Variants in CTNNA2 observed in about 807,000 individuals in gnomAD.
The protein encoded by CTNNA2 is catenin alpha-2.
A neutral mutation model predicts 101.0 loss-of-function variants in CTNNA2; 42 were observed. The ratio of observed to expected loss-of-function variants is 0.42; its 90% CI spans 0.32 to 0.54. The LOEUF is 0.54. Among genes scored for constraint, CTNNA2 ranks in the 20% least tolerant of loss-of-function variants. CTNNA2 has a pLI of 0.14. For synonymous variants in CTNNA2, 450 were observed against 456.4 expected (o/e 0.99, Z 0.18); for missense variants, 871 against 1,223.1 (o/e 0.71, Z 4.29).
rs528620139 is a variant in CTNNA2 at position 79,476,401 on chromosome 2, C to T, written c.-134-28653C>T. 2.0e-5 allele frequency among the ~76,000 whole-genome samples: 3 copies of T among 152,314 alleles called. No homozygotes were observed. In the East Asian group the frequency reaches 5.8e-4, roughly 29 times the overall value. On this transcript the variant is annotated intron_variant, in intron 4 of 21. Coordinates refer to the CTNNA2 transcript ENST00000466387. ...GAAGGGAGCCCAGATTGCAGCCTGGCTATTTCATCGGGGCACTTCTAAGAA... is the reference window on the plus strand; with the variant it reads ...GAAGGGAGCCCAGATTGCAGCCTGGTTATTTCATCGGGGCACTTCTAAGAA...
At chr2:79,338,536 G>C (rs1573094081) in intron 3 of CTNNA2, among the ~76,000 whole-genome samples, 1 of 151,508 alleles carries the variant, frequency 6.6e-6, no homozygotes, top group East Asian at 2.0e-4. Flanking sequence ...TTTAAGAAGT[G>C]AGTAAAGAGG....
chr2:79,845,035 A>G (rs1397087737), intron 3 of CTNNA2, among the ~76,000 whole-genome samples: 2 of 142,780 alleles, frequency 1.4e-5, no homozygotes, highest in East Asian at 4.4e-4. Context: ...TACATTGTGT[A>G]TATATATTTG....
In CTNNA2 at chr2:80,387,070, C is replaced by T. The variant is rs565524548; in HGVS notation, c.1057-6141C>T. 1.3e-4 allele frequency among the ~76,000 whole-genome samples: 20 copies of T among 152,170 alleles called. 1 individual carries two copies. In the South Asian group the frequency reaches 2.7e-3, roughly 21 times the overall value. ...CTGGGAGGCCAAGGTGGGTGGATCA[C>T]GAGGTCAGGAGATCAAGACCATCTT... On this transcript the variant is annotated intron_variant, in intron 7 of 18. Transcript: ENST00000402739.
intron 7 of CTNNA2, among the ~76,000 whole-genome samples, chr2:80,228,702 G>A (rs1014672947): frequency 1.3e-5 from 2 of 152,148 alleles, no homozygotes; most frequent in Non-Finnish European, 2.9e-5. Flanking sequence ...ATCTGAAATA[G>A]TAGTGTTATT....
intron 9 of CTNNA2, among the ~76,000 whole-genome samples, chr2:80,539,495 G>A (rs1383364823): frequency 6.6e-6 from 1 of 151,836 alleles, no homozygotes. Context: ...TTGCAGGATG[G>A]ATAGTTTACC....
intron 6 of CTNNA2, among the ~76,000 whole-genome samples, chr2:79,899,569 ATT>A (rs1303482256): frequency 1.3e-5 from 2 of 152,216 alleles, no homozygotes; most frequent in Non-Finnish European, 2.9e-5. Context: ...GCTTAGGTAA[ATT>A]TCTCTTAAAA....
At chr2:79,981,881 T>C (rs1312162127) in intron 7 of CTNNA2, among the ~76,000 whole-genome samples, 1 of 151,972 alleles carries the variant, frequency 6.6e-6, no homozygotes, top group East Asian at 1.9e-4. Flanking sequence ...TAAACCTGGA[T>C]CCGTAACCCA....
At chr2:80,636,995 TCC>T (rs1274710919) in intron 18 of CTNNA2, among the ~76,000 whole-genome samples, 4 of 152,082 alleles carry the variant, frequency 2.6e-5, no homozygotes, top group Middle Eastern at 3.2e-3. Context: ...CCATTCCTTA[TCC>T]CTAAAACTGT....
intron 16 of CTNNA2, among the ~76,000 whole-genome samples, chr2:80,607,735 G>T (rs892649430): frequency 2.6e-5 from 4 of 151,852 alleles, no homozygotes; most frequent in African/African-American, 9.7e-5. Flanking sequence ...GAAACAAATT[G>T]ATTTTCTTCC....
At chr2:80,534,327 G>T (rs545076091) in intron 9 of CTNNA2, among the ~76,000 whole-genome samples, 2 of 152,254 alleles carry the variant, frequency 1.3e-5, no homozygotes, top group South Asian at 2.1e-4. Context: ...ATATTAGCTG[G>T]TGTATGCTAA....
At chr2:79,268,731 C>T (rs186346111) in intron 2 of CTNNA2, among the ~76,000 whole-genome samples, 151 of 152,102 alleles carry the variant, frequency 9.9e-4, no homozygotes, top group African/African-American at 3.5e-3. Flanking sequence ...GAACTGATTG[C>T]GTGGGTGGTG....
intron 3 of CTNNA2, among the ~76,000 whole-genome samples, chr2:79,783,776 A>G (rs1484537880): frequency 6.6e-6 from 1 of 152,156 alleles, no homozygotes; most frequent in Non-Finnish European, 1.5e-5. Flanking sequence ...AGTTAATAGA[A>G]TTTGTTCATT....
At chr2:79,673,969 A>G (rs11126740) in intron 2 of CTNNA2, among the ~76,000 whole-genome samples, 95,323 of 152,020 alleles carry the variant, frequency 0.63, 30,440 homozygotes, top group East Asian at 0.92. Flanking sequence ...ACATGCATAG[A>G]TCTGTGTTGG....
rs757762487 is a variant in CTNNA2 at position 79,895,691 on chromosome 2, A to ATTT, written c.853-13903_853-13902insTTT. On this transcript the variant is annotated intron_variant, in intron 6 of 18. Coordinates refer to ENST00000402739, the MANE Select transcript of CTNNA2 (RefSeq NM_001282597.3). ...GATTATGTGGTTTGTGAAATTTCTTAATTTTTTTTTTTTTTTTTGGCTGCA... is the reference window on the plus strand; with the variant it reads ...GATTATGTGGTTTGTGAAATTTCTTATTTATTTTTTTTTTTTTTTTTGGCTGCA... 4.1e-3 allele frequency among the ~76,000 whole-genome samples: 444 copies of ATTT among 107,774 alleles called. 4 individuals are homozygous for ATTT. Among genetic ancestry groups the ATTT allele is most frequent in the Non-Finnish European group, 6.1e-3 (337 of 55,494 alleles). The allele number at this position is 107,774 out of a possible 152,430, so 70.7% of individuals were successfully genotyped here.
chr2:80,291,441 T>C (rs903301300), intron 7 of CTNNA2, among the ~76,000 whole-genome samples: 1 of 152,236 alleles, frequency 6.6e-6, no homozygotes, highest in Non-Finnish European at 1.5e-5. Flanking sequence ...AGTTTGTCTC[T>C]TGATACAGGA....
At chr2:79,989,369 TC>T (rs1692001454) in intron 7 of CTNNA2, among the ~76,000 whole-genome samples, 3 of 152,196 alleles carry the variant, frequency 2.0e-5, no homozygotes, top group Non-Finnish European at 4.4e-5. Context: ...ACGCCTGTAA[TC>T]CCAGCACTTT....
chr2:79,880,287 T>G (rs1461814097), intron 6 of CTNNA2, among the ~76,000 whole-genome samples: 3 of 152,122 alleles, frequency 2.0e-5, no homozygotes, highest in African/African-American at 7.2e-5. Context: ...TCCTTTTTTA[T>G]TGCATCTCTT....
intron 1 of CTNNA2, among the ~76,000 whole-genome samples, chr2:79,593,829 C>G (rs933699134): frequency 6.6e-6 from 1 of 151,168 alleles, no homozygotes; most frequent in African/African-American, 2.4e-5. Context: ...GGTATCATTG[C>G]TAACACATGG....
chr2:79,383,726 A>G (rs552581142), intron 4 of CTNNA2, among the ~76,000 whole-genome samples: 1 of 152,286 alleles, frequency 6.6e-6, no homozygotes, highest in African/African-American at 2.4e-5. Flanking sequence ...CATCATATCC[A>G]ATTTGACCTT....
Sources: gnomAD v4.1 joint callset for allele counts (sites outside exome capture counted in the v4.1 genomes callset) on GRCh38, gnomAD v4.1.1 for gene constraint, MANE v1.5 for transcripts, NCBI Gene and HGNC (gene_info 2026-07-23, HGNC 2026-07-21) for gene names.